The following NAGPA variants were observed in gnomAD, a reference collection of about 807,000 sequenced individuals.
NAGPA encodes the protein alpha-N-acetylglucosaminyl phosphodiesterase.
A neutral mutation model predicts 48.5 loss-of-function variants in NAGPA; 56 were observed. The observed-to-expected ratio is 1.15, with a 90% CI of 0.93 to 1.44. The LOEUF (loss-of-function observed/expected upper bound fraction) is 1.44, where lower values mean the gene tolerates loss of function less well. Ranked by LOEUF, NAGPA falls within the 40% of genes most tolerant of loss-of-function variation. The pLI, the probability that NAGPA is intolerant of heterozygous loss-of-function variation, is 0.00. For synonymous variants in NAGPA, 399 were observed against 315.5 expected, an observed-to-expected ratio of 1.26 and a Z score of -2.81; for missense variants, 888 against 735.0, an observed-to-expected ratio of 1.21 and a Z score of -2.41.
At chr16:5,028,432 T>C (rs1956043197) in intron 5 of NAGPA, 1 of 781,356 alleles carries the variant, frequency 1.3e-6, no homozygotes, top group Middle Eastern at 2.3e-4. Flanking sequence ...AAAGACAGGG[T>C]CTATGTTGCC....
chr16:5,026,717 G>A (rs538942115), intron 9 of NAGPA, among the ~76,000 whole-genome samples: 1 of 152,026 alleles, frequency 6.6e-6, no homozygotes, highest in South Asian at 2.1e-4. Context: ...GCAAAATAGT[G>A]AGATCCTATC....
At position 5,027,849 on chromosome 16, in the gene NAGPA, C is replaced by G. The variant is rs775425183; in HGVS notation, c.1171G>C (p.Glu391Gln). 1.9e-5 allele frequency: 29 copies of G among 1,560,128 alleles called. No homozygotes were observed. Among genetic ancestry groups the G allele is most frequent in the Non-Finnish European group, 2.5e-5 (29 of 1,152,094 alleles). The change falls in exon 7 of 10, where the codon GAA (glutamate) becomes CAA (glutamine). Residue 391 changes from glutamate (E) to glutamine (Q), a missense_variant. Glu to Gln is a conservative substitution (Grantham distance 29). Coordinates refer to ENST00000312251, the MANE Select transcript of NAGPA (RefSeq NM_016256.4). Reference sequence around the variant, plus strand: ...CTAGTGGCGTGGCAGCTCCTACCTTCACTGCAGTTGGACCCGGTCCATCCG... The same window carrying G: ...CTAGTGGCGTGGCAGCTCCTACCTTGACTGCAGTTGGACCCGGTCCATCCG... ...DAGWTGSNCS[E>Q]ECPLGWHGPG...
Position 5,025,642 on chromosome 16 carries a change from G to C in NAGPA, c.1384C>G (p.Leu462Val). 6.2e-7 allele frequency: 1 copy of C among 1,613,660 alleles called. No individual in the cohort carries two copies. The highest frequency in any genetic ancestry group is 1.1e-5 in the South Asian group (1 of 91,062). ...ALTLALAFLLLISTAANLSLL... is the reference protein window; with the variant it reads ...ALTLALAFLLVISTAANLSLL... ...GACAGGTTTGCTGCAGTGCTGATCA[G>C]CAGGAGGAAGGCCAGCGCCAGGGTG... is the stretch of plus-strand genomic sequence containing the variant. Residue 462 changes from leucine to valine, a missense_variant, in exon 10 of 10, where the codon CTG becomes GTG. Transcript: ENST00000312251.
In NAGPA at chr16:5,032,383, T is replaced by C. The variant is rs192064888; in HGVS notation, c.543-499A>G. ...TCAAATCATCAATCTTGCCAGGGCG[T>C]GGTGGCTCACACCTGTCATCCCAGC... On this transcript the variant is annotated intron_variant, in intron 2 of 9. Transcript: ENST00000312251. 2.1e-3 allele frequency among the ~76,000 whole-genome samples: 324 copies of C among 152,222 alleles called. 1 individual carries two copies. The highest frequency in any genetic ancestry group is 7.5e-3 in the African/African-American group (312 of 41,534).
chr16:5,030,120 C>T (rs3743840), intron 4 of NAGPA: 175,053 of 564,140 alleles, frequency 0.31, 29,120 homozygotes, highest in East Asian at 0.44. Context: ...AAGATCTTCT[C>T]CCTGCTCACT....
intron 9 of NAGPA, among the ~76,000 whole-genome samples, chr16:5,026,555 T>C (rs1956004904): frequency 6.6e-6 from 1 of 151,630 alleles, no homozygotes; most frequent in South Asian, 2.1e-4. Flanking sequence ...TTTAAAAAAA[T>C]GTGAATGTTA....
rs1156873496 is a variant in NAGPA at position 5,027,854 on chromosome 16, C to A, written c.1166G>T (p.Cys389Phe). Residue 389 changes from cysteine to phenylalanine, a missense_variant, in exon 7 of 10, where the codon TGC (cysteine) becomes TTC (phenylalanine). Transcript: ENST00000312251. Reference protein sequence around the residue: ...RCDAGWTGSNCSEECPLGWHG... With the variant: ...RCDAGWTGSNFSEECPLGWHG... Reference sequence around the variant, plus strand: ...GGCGTGGCAGCTCCTACCTTCACTGCAGTTGGACCCGGTCCATCCGGCATC... The same window carrying A: ...GGCGTGGCAGCTCCTACCTTCACTGAAGTTGGACCCGGTCCATCCGGCATC... The A allele has an allele frequency of 3.2e-6, 5 of 1,562,644 alleles. No individual in the cohort carries two copies. The highest frequency in any genetic ancestry group is 4.3e-6 in the Non-Finnish European group (5 of 1,153,394).
rs201188900 is a variant in NAGPA, at chr16:5,028,041, G to C, written c.1065C>G (p.Pro355=). 1.9e-6 allele frequency: 3 copies of C among 1,607,568 alleles called. No homozygotes were observed. Among genetic ancestry groups the C allele is most frequent in the Non-Finnish European group, 2.5e-6 (3 of 1,177,800 alleles). ...CQCTGHFWRG[P]GCDELDCGPS... is the part of the protein sequence containing the mutation. ...GGCCACAGTCCAGCTCATCACAGCC[G>C]GGACCCCGCCAGAAGTGCCCGGTGC... The change falls in exon 6 of 10, where the codon CCC becomes CCG. Residue 355 remains proline (P), a synonymous_variant. Transcript: ENST00000312251.
intron 3 of NAGPA, 70 bp from the exon 4 acceptor site, chr16:5,030,563 C>T (rs1956080549): frequency 3.1e-6 from 4 of 1,271,748 alleles, no homozygotes; most frequent in Admixed American, 2.0e-5. Context: ...AACTCCACTT[C>T]CCACTGGTCT....
At chr16:5,028,848 A>G (rs1413187873) in intron 5 of NAGPA, 32 bp downstream of exon 5, 1 of 1,613,562 alleles carries the variant, frequency 6.2e-7, no homozygotes, top group Non-Finnish European at 8.5e-7. Flanking sequence ...CCTGGACTTC[A>G]GCCCTCACGA....
chr16:5,026,332 G>A (rs987591691), intron 9 of NAGPA, among the ~76,000 whole-genome samples: 1 of 149,484 alleles, frequency 6.7e-6, no homozygotes, highest in East Asian at 2.0e-4. Context: ...TATCACTTGA[G>A]GTCAGGAGTT....
rs1955979861 is a variant in NAGPA at position 5,025,475 on chromosome 16, G to GCTT, written c.1548_*2dup. 1 of 1,611,724 alleles carries GCTT rather than the reference G, an allele frequency of 6.2e-7. No individual in the cohort carries two copies. Among genetic ancestry groups the GCTT allele is most frequent in the African/African-American group, 1.3e-5 (1 of 74,868 alleles). On this transcript the variant is annotated 3_prime_UTR_variant, in exon 10 of 10. Coordinates refer to ENST00000312251, the MANE Select transcript of NAGPA (RefSeq NM_016256.4). ...GACGTGCCACCCCGGGCAGCTTGAG[G>GCTT]CTTCAGTCCTTGAAGGGGTTGTGGG...
rs769176277 is a variant in NAGPA at position 5,025,429 on chromosome 16, C to T, written c.*49G>A. 2.1e-5 allele frequency: 33 copies of T among 1,601,624 alleles called. No homozygotes were observed. The African/African-American group carries it at 2.7e-4, about 13-fold the overall frequency. ...GAAATTTCCCCTGCAGAAGCCAGACCGTGGGGAAACAAGCTTTCGCGACGT... is the reference window on the plus strand; with the variant it reads ...GAAATTTCCCCTGCAGAAGCCAGACTGTGGGGAAACAAGCTTTCGCGACGT... On this transcript the variant is annotated 3_prime_UTR_variant, in exon 10 of 10. Coordinates refer to ENST00000312251, the MANE Select transcript of NAGPA (RefSeq NM_016256.4).
At position 5,031,790 on chromosome 16, in the gene NAGPA, T is replaced by C. The variant is rs367875684; in HGVS notation, c.637A>G (p.Ile213Val). 1.9e-6 allele frequency: 3 copies of C among 1,614,212 alleles called. No homozygotes were observed. Among genetic ancestry groups the C allele is most frequent in the Non-Finnish European group, 2.5e-6 (3 of 1,180,020 alleles). Residue 213 changes from isoleucine to valine, a missense_variant, in exon 3 of 10, where the codon ATC becomes GTC. Physicochemically the swap from Ile to Val is conservative, Grantham distance 29. Transcript: ENST00000312251. ...CACTCTGTGGCTTGGCTCTCGTTGA[T>C]GTAGATGCTTCCATTACGAATCAGC... ...VWLIRNGSIY[I>V]NESQATECDE...
rs1037026565 is a variant in NAGPA at position 5,033,554 on chromosome 16, G to C, written c.261C>G (p.Asp87Glu). The change falls in exon 2 of 10, where the codon GAC becomes GAG. Residue 87 changes from aspartate to glutamate, a missense_variant. Physicochemically the swap from Asp to Glu is conservative, Grantham distance 45. Coordinates refer to ENST00000312251, the MANE Select transcript of NAGPA (RefSeq NM_016256.4). The surrounding 1 kb of genome is among the most constrained non-coding windows in gnomAD (Gnocchi z 4.2). ...AVRTFVSHFR[D>E]RAVAGHLTRA... The stretch of plus-strand genomic sequence containing the variant: ...GCGTCAGGTGGCCGGCCACCGCGCG[G>C]TCCCTGAAGTGCGACACGAAGGTGC... 1 of 1,506,878 alleles carries C rather than the reference G, an allele frequency of 6.6e-7. No individual in the cohort carries two copies. The highest frequency in any genetic ancestry group is 8.8e-7 in the Non-Finnish European group (1 of 1,136,860). 93.3% of individuals were successfully genotyped at this position (1,506,878 alleles called of 1,614,324 possible).
Position 5,033,467 on chromosome 16 carries a change from C to A in NAGPA, c.348G>T (p.Ala116=), listed in dbSNP as rs769046268. The change falls in exon 2 of 10, where the codon GCG becomes GCT. Residue 116 remains alanine, a synonymous_variant. Coordinates refer to ENST00000312251, the MANE Select transcript of NAGPA (RefSeq NM_016256.4). This position sits in a 1 kb window ranked among gnomAD's most constrained non-coding sequence, Gnocchi z 4.2. ...VLEPGGPGGC[A]ARRRATVEET... ...CCTCCACGGTGGCGCGTCGTCTCGCCGCGCAGCCGCCGGGTCCACCGGGCT... is the reference window on the plus strand; with the variant it reads ...CCTCCACGGTGGCGCGTCGTCTCGCAGCGCAGCCGCCGGGTCCACCGGGCT... The A allele has an allele frequency of 6.3e-7, 1 of 1,580,794 alleles. No homozygotes were observed. The highest frequency in any genetic ancestry group is 1.7e-5 in the Admixed American group (1 of 58,036).
intron 9 of NAGPA, among the ~76,000 whole-genome samples, chr16:5,026,488 C>T (rs570429718): frequency 2.6e-5 from 4 of 151,776 alleles, no homozygotes; most frequent in African/African-American, 9.7e-5. Context: ...GAGCTGAGAT[C>T]GCACCACTGC....
chr16:5,026,535 A>C (rs1956004410), intron 9 of NAGPA, among the ~76,000 whole-genome samples: 1 of 151,512 alleles, frequency 6.6e-6, no homozygotes, highest in African/African-American at 2.4e-5. Context: ...CCCCGTCTCA[A>C]AAAAAAAAGT....
chr16:5,030,052 C>G lies in NAGPA; in HGVS notation c.791+333G>C, dbSNP rs181976724. On this transcript the variant is annotated intron_variant, in intron 4 of 9. Transcript: ENST00000312251. ...AATGAGGCTCAGGGAGGCCGAGGGA[C>G]TTGTCTACGGCATAGGTGGGTAGAC... The G allele has an allele frequency of 8.6e-6, 4 of 466,020 alleles. No individual in the cohort carries two copies. The Admixed American group carries it at 1.4e-4, about 16-fold the overall frequency. The allele number at this position is 466,020 out of a possible 1,614,324, so 28.9% of individuals were successfully genotyped here.
Sources: allele counts gnomAD v4.1 joint callset (sites outside exome capture counted in the v4.1 genomes callset), GRCh38; gene constraint gnomAD v4.1.1; non-coding constraint Gnocchi (gnomAD v3.1); transcripts MANE v1.5; gene names NCBI Gene and HGNC (gene_info 2026-07-23, HGNC 2026-07-21).